The following TRIM24 variants were observed in gnomAD, a reference collection of about 807,000 sequenced individuals.
The protein encoded by TRIM24 is tripartite motif containing 24.
A neutral mutation model predicts 123.9 loss-of-function variants in TRIM24; 29 were observed. That is an observed-to-expected ratio of 0.23 (90% CI 0.17 to 0.32). The LOEUF (loss-of-function observed/expected upper bound fraction) is 0.32, where lower values mean the gene tolerates loss of function less well. Ranked by LOEUF, TRIM24 falls within the 10% of genes least tolerant of loss-of-function variation. The pLI, the probability that TRIM24 is intolerant of heterozygous loss-of-function variation, is 1.00. For missense variants in TRIM24, 932 were observed against 1,295.3 expected (o/e 0.72, Z 4.31); for synonymous variants, 456 against 461.1 (o/e 0.99, Z 0.14).
chr7:138,552,996 T>A (rs1486906471), intron 8 of TRIM24, among the ~76,000 whole-genome samples: 2 of 152,188 alleles, frequency 1.3e-5, no homozygotes, highest in African/African-American at 4.8e-5. Flanking sequence ...TACACCCACA[T>A]ATAGACATAA....
At chr7:138,543,831 G>GT (rs371780238) in intron 7 of TRIM24, among the ~76,000 whole-genome samples, 6,503 of 151,590 alleles carry the variant, frequency 0.043, 165 homozygotes, top group Middle Eastern at 0.089. Flanking sequence ...TTGGTTTTCT[G>GT]TTTTTTTTGT....
Position 138,507,234 on chromosome 7 carries a change from C to T in TRIM24, c.483+2826C>T, listed in dbSNP as rs75055464. On this transcript the variant is annotated intron_variant, in intron 2 of 18. Transcript: ENST00000343526. The stretch of plus-strand genomic sequence containing the variant: ...CTAAAGAAACAGTTGACATAACAAA[C>T]GCCCATGGACCCATCGCCTAGATCA... Among the ~76,000 whole-genome samples, 638 of 152,186 alleles carry T rather than the reference C, an allele frequency of 4.2e-3. 4 individuals carry two copies. Among genetic ancestry groups the T allele is most frequent in the African/African-American group, 0.015 (617 of 41,524 alleles).
chr7:138,576,452 T>G lies in TRIM24; in HGVS notation c.2087+7T>G. 1 of 1,612,322 alleles carries G rather than the reference T, an allele frequency of 6.2e-7. No homozygotes were observed. On this transcript the variant is annotated splice_region_variant and intron_variant, in intron 13 of 18. Coordinates refer to ENST00000343526, the MANE Select transcript of TRIM24 (RefSeq NM_015905.3). The stretch of plus-strand genomic sequence containing the variant: ...GCGTTGGAAGCCGAGGAAGGTAAAC[T>G]GACTAAACCATATTTTCTAGTATAT...
intron 1 of TRIM24, among the ~76,000 whole-genome samples, chr7:138,482,669 G>T (rs529246430): frequency 8.6e-4 from 131 of 152,298 alleles, no homozygotes; most frequent in Non-Finnish European, 1.6e-3. Context: ...CTAGGTACTT[G>T]ATAGGTTATG....
intron 1 of TRIM24, among the ~76,000 whole-genome samples, chr7:138,492,918 T>C (rs1006154907): frequency 1.3e-5 from 2 of 152,210 alleles, no homozygotes; most frequent in Admixed American, 6.5e-5. Flanking sequence ...GTTCTGTTAA[T>C]TTTTTCTTTA....
chr7:138,546,127 G>T (rs1251849228), intron 7 of TRIM24, among the ~76,000 whole-genome samples: 1 of 152,108 alleles, frequency 6.6e-6, no homozygotes, highest in African/African-American at 2.4e-5. Context: ...TCAACTTTAA[G>T]GTTAAGAAAT....
chr7:138,476,772 T>C (rs1449709321), intron 1 of TRIM24, among the ~76,000 whole-genome samples: 5 of 152,160 alleles, frequency 3.3e-5, no homozygotes, highest in South Asian at 2.1e-4. Context: ...CATTTCCTCA[T>C]TGACCTGGCA....
Position 138,570,932 on chromosome 7 carries a change from G to T in TRIM24, c.1807G>T (p.Ala603Ser), listed in dbSNP as rs779297663. The change falls in exon 11 of 19, where the codon GCT becomes TCT. Residue 603 changes from alanine to serine, a missense_variant. Ala to Ser is a moderately conservative substitution (Grantham distance 99). This residue lies in a region of TRIM24 where 527 missense variants were observed against 691.3 expected (regional missense o/e 0.76). Coordinates refer to ENST00000343526, the MANE Select transcript of TRIM24 (RefSeq NM_015905.3). ...TAGTGCAGCAGGATATGATGGAAAGGCTTTTGGTTCACCTATGATCGATTT... is the reference window on the plus strand; with the variant it reads ...TAGTGCAGCAGGATATGATGGAAAGTCTTTTGGTTCACCTATGATCGATTT... Reference protein sequence around the residue: ...ITSAAGYDGKAFGSPMIDLSS... With the variant: ...ITSAAGYDGKSFGSPMIDLSS... The T allele has an allele frequency of 6.8e-6, 11 of 1,613,964 alleles. No individual in the cohort carries two copies. Among genetic ancestry groups the T allele is most frequent in the Admixed American group, 1.7e-5 (1 of 59,990 alleles).
At chr7:138,549,945 G>A (rs1437216097) in intron 7 of TRIM24, among the ~76,000 whole-genome samples, 1 of 152,194 alleles carries the variant, frequency 6.6e-6, no homozygotes, top group Non-Finnish European at 1.5e-5. Flanking sequence ...AGTGGTGGAA[G>A]TTTGTGGAAG....
At chr7:138,519,365 T>C in intron 4 of TRIM24, 44 bp downstream of exon 4, 2 of 1,549,168 alleles carry the variant, frequency 1.3e-6, no homozygotes, top group Non-Finnish European at 1.7e-6. Flanking sequence ...TATGCAGCTT[T>C]AGAGGACTAA....
intron 2 of TRIM24, among the ~76,000 whole-genome samples, chr7:138,506,350 T>C (rs563446559): frequency 6.6e-6 from 1 of 152,342 alleles, no homozygotes; most frequent in South Asian, 2.1e-4. Context: ...AAAGTTCTCT[T>C]CTAAATACAA....
At chr7:138,579,747 C>A (rs1249062221) in intron 15 of TRIM24, among the ~76,000 whole-genome samples, 2 of 152,132 alleles carry the variant, frequency 1.3e-5, no homozygotes, top group African/African-American at 4.8e-5. Flanking sequence ...CACAGGGAGA[C>A]CCTGTCTGTC....
chr7:138,475,997 G>A (rs77761830), intron 1 of TRIM24, among the ~76,000 whole-genome samples: 2,013 of 152,254 alleles, frequency 0.013, 43 homozygotes, highest in African/African-American at 0.046. Context: ...ACAAGCTGCA[G>A]TCTGTAATGA....
At chr7:138,544,372 A>G (rs1210028575) in intron 7 of TRIM24, among the ~76,000 whole-genome samples, 1 of 152,212 alleles carries the variant, frequency 6.6e-6, no homozygotes, top group Non-Finnish European at 1.5e-5. Flanking sequence ...TTAAGGTTGG[A>G]TAATATTCTA....
intron 7 of TRIM24, among the ~76,000 whole-genome samples, chr7:138,548,417 CA>C (rs112568313): frequency 0.035 from 4,483 of 127,220 alleles, 203 homozygotes; most frequent in African/African-American, 0.11. Flanking sequence ...GAGTGAGAGT[CA>C]AAAAAAAAAA....
At chr7:138,506,109 A>G (rs1796146172) in intron 2 of TRIM24, among the ~76,000 whole-genome samples, 1 of 152,226 alleles carries the variant, frequency 6.6e-6, no homozygotes, top group Admixed American at 6.5e-5. Flanking sequence ...CCTTGGTAGA[A>G]CTACAGGAAT....
chr7:138,463,145 T>A (rs1370751360), intron 1 of TRIM24, among the ~76,000 whole-genome samples: 1 of 145,342 alleles, frequency 6.9e-6, no homozygotes, highest in African/African-American at 2.5e-5. Context: ...CCACCTTGGC[T>A]TCCCAAAGTG....
intron 3 of TRIM24, among the ~76,000 whole-genome samples, chr7:138,517,407 A>G (rs1341784026): frequency 6.6e-6 from 1 of 150,922 alleles, no homozygotes; most frequent in East Asian, 1.9e-4. Context: ...ATCTCACTCC[A>G]TGACCCAGAC....
At chr7:138,497,935 C>T (rs1195026136) in intron 1 of TRIM24, among the ~76,000 whole-genome samples, 4 of 152,146 alleles carry the variant, frequency 2.6e-5, no homozygotes, top group Admixed American at 2.6e-4. Flanking sequence ...TCAAGTGATC[C>T]GCCTGCCTCG....
Sources: gnomAD v4.1 joint callset for allele counts (sites outside exome capture counted in the v4.1 genomes callset) on GRCh38, gnomAD v4.1.1 for gene constraint, gnomAD v4.1.1 regional missense constraint, MANE v1.5 for transcripts, NCBI Gene and HGNC (gene_info 2026-07-23, HGNC 2026-07-21) for gene names.